Variants in MYH6 observed in about 807,000 individuals in gnomAD.
The protein encoded by MYH6 is myosin heavy chain 6.
Under a neutral mutation model 223.2 loss-of-function variants are expected in MYH6, and 126 were observed. That is an observed-to-expected ratio of 0.56 (90% CI 0.49 to 0.65). The LOEUF (loss-of-function observed/expected upper bound fraction) is 0.65, where lower values mean the gene tolerates loss of function less well. Among genes scored for constraint, MYH6 ranks in the 30% least tolerant of loss-of-function variants. The pLI is 0.00. For synonymous variants in MYH6, 978 were observed against 1,010.2 expected (o/e 0.97, Z 0.61); for missense variants, 2,040 against 2,536.4 (o/e 0.80, Z 4.20).
chr14:23,399,163 C>T, intron 14 of MYH6, 126 bp from the exon 15 acceptor site: 2 of 1,139,210 alleles, frequency 1.8e-6, no homozygotes, highest in African/African-American at 3.1e-5. Context: ...GGGCGCTGTG[C>T]TGGTACCTCT....
chr14:23,402,650 G>A (rs1191344648), intron 11 of MYH6, 47 bp downstream of exon 11: 4 of 1,613,572 alleles, frequency 2.5e-6, no homozygotes, highest in East Asian at 2.2e-5. Context: ...GGTGGCCCCA[G>A]GAGCTCCTGG....
intron 18 of MYH6, 52 bp downstream of exon 18, chr14:23,396,911 G>T: frequency 6.2e-7 from 1 of 1,612,478 alleles, no homozygotes; most frequent in Non-Finnish European, 8.5e-7. Flanking sequence ...ATTCCCATCA[G>T]GGCAGCCTGG....
In MYH6 at chr14:23,393,392, C is replaced by A. The variant is rs1595056123; in HGVS notation, c.3055G>T (p.Val1019Phe). The A allele has an allele frequency of 6.2e-7, 1 of 1,614,172 alleles. No homozygotes were observed. Among genetic ancestry groups the A allele is most frequent in the Non-Finnish European group, 8.5e-7 (1 of 1,180,036 alleles). Reference protein sequence around the residue: ...LDDLQVEEDKVNSLSKSKVKL... With the variant: ...LDDLQVEEDKFNSLSKSKVKL... Reference sequence around the variant, plus strand: ...ACCTTAGACTTGGACAGGCTGTTGACCTTGTCTTCCTCAACCTGAAGGTCA... The same window carrying A: ...ACCTTAGACTTGGACAGGCTGTTGAACTTGTCTTCCTCAACCTGAAGGTCA... Residue 1019 changes from valine to phenylalanine, a missense_variant, in exon 23 of 39, where the codon GTC (valine) becomes TTC (phenylalanine). By Grantham distance (50) the Val-to-Phe change is conservative (BLOSUM62 -1). Transcript: ENST00000405093.
rs765193057 is a variant in MYH6, at chr14:23,388,953, G to A, written c.4081C>T (p.Arg1361Cys). ...TCCGAGTTGGCCTTGGACAGGACGC[G>A]CTGCAGCTCGGCCTTGGCCTCTGTC... ...EETEAKAELQ[R>C]VLSKANSEVA... The change falls in exon 29 of 39, where the codon CGC (arginine) becomes TGC (cysteine). Residue 1361 changes from arginine (R) to cysteine (C), a missense_variant. Physicochemically the swap from Arg to Cys is radical, Grantham distance 180. Around this residue, in one of 4 missense-constraint regions of MYH6, gnomAD observed 1,203 missense variants for 1,400.2 expected, o/e 0.86. Coordinates refer to ENST00000405093, the MANE Select transcript of MYH6 (RefSeq NM_002471.4). The A allele has an allele frequency of 1.1e-5, 17 of 1,613,612 alleles. No homozygotes were observed. Among genetic ancestry groups the A allele is most frequent in the South Asian group, 8.8e-5 (8 of 91,052 alleles).
chr14:23,397,963 T>A (rs888303779), intron 15 of MYH6, among the ~76,000 whole-genome samples: 1 of 124,558 alleles, frequency 8.0e-6, no homozygotes, highest in Non-Finnish European at 1.7e-5. Flanking sequence ...TTCTTCTTCT[T>A]CTTCTTCTTC....
chr14:23,383,992 G>A (rs2138580509), intron 36 of MYH6, among the ~76,000 whole-genome samples: 1 of 152,164 alleles, frequency 6.6e-6, no homozygotes, highest in East Asian at 1.9e-4. Flanking sequence ...CGGGCCAAGG[G>A]CACAGCTCTC....
At chr14:23,393,167 CAG>C in intron 23 of MYH6, 110 bp from the exon 24 acceptor site, 1 of 1,518,118 alleles carries the variant, frequency 6.6e-7, no homozygotes, top group South Asian at 1.1e-5. Context: ...GTCAAACCAA[CAG>C]AGAAATCCTG....
At chr14:23,402,627 G>C (rs113300530) in intron 11 of MYH6, 25 bp from the exon 12 acceptor site, 4 of 1,613,682 alleles carry the variant, frequency 2.5e-6, no homozygotes, top group Non-Finnish European at 3.4e-6. Flanking sequence ...GAGACAAAGA[G>C]GGGGGTTGGA....
Position 23,405,328 on chromosome 14 carries a change from C to A in MYH6, c.397G>T (p.Val133Leu). 1 of 1,614,154 alleles carries A rather than the reference C, an allele frequency of 6.2e-7. No homozygotes were observed. The highest frequency in any genetic ancestry group is 1.3e-5 in the African/African-American group (1 of 75,046). The change falls in exon 5 of 39, where the codon GTG becomes TTG. Residue 133 changes from valine (V) to leucine (L), a missense_variant. Coordinates refer to ENST00000405093, the MANE Select transcript of MYH6 (RefSeq NM_002471.4). This position sits in a 1 kb window ranked among gnomAD's most constrained non-coding sequence, Gnocchi z 4.7. ...VTVNPYKWLP[V>L]YNAEVVAAYR... ...GCGGCCACCACCTCGGCATTGTACA[C>A]CGGCAGCCACTTGTAGGGGTTGACA...
In MYH6 at chr14:23,403,009, G is replaced by A. The variant is rs74378276; in HGVS notation, c.899-209C>T. Among the ~76,000 whole-genome samples, 648 of 152,088 alleles carry A rather than the reference G, an allele frequency of 4.3e-3. 8 individuals are homozygous for A. The highest frequency in any genetic ancestry group is 0.015 in the African/African-American group (608 of 41,498). On this transcript the variant is annotated intron_variant, in intron 10 of 38. Transcript: ENST00000405093. ...AGTGAAAGGGTAGAAGAGGGGCCCT[G>A]GCAGGGGCTCCAGTAACAAGGAGGA...
At position 23,392,986 on chromosome 14, in the gene MYH6, G is replaced by A. The variant is rs529676901; in HGVS notation, c.3177C>T (p.Gly1059=). 308 of 1,614,128 alleles carry A rather than the reference G, an allele frequency of 1.9e-4. No individual in the cohort carries two copies. Among genetic ancestry groups the A allele is most frequent in the Non-Finnish European group, 2.5e-4 (293 of 1,180,034 alleles). Residue 1059 remains glycine (G), a synonymous_variant, in exon 24 of 39, where the codon GGC becomes GGT. Transcript: ENST00000405093. The stretch of plus-strand genomic sequence containing the variant: ...TGCTCTCCTGGGTCAGCTTCAGGTC[G>A]CCCTCCAGTTTCCGCTTTGCTCGCT... ...DLERAKRKLE[G]DLKLTQESIM...
rs758143531 is a variant in MYH6, at chr14:23,386,155, G to A, written c.4960-24C>T. On this transcript the variant is annotated intron_variant, in intron 33 of 38. Coordinates refer to ENST00000405093, the MANE Select transcript of MYH6 (RefSeq NM_002471.4). The stretch of plus-strand genomic sequence containing the variant: ...TCCTGAGCATCAGGAGAGTGGGTGT[G>A]AGCAGAAGCCAGCCTCGGTGCCCTT... The A allele has an allele frequency of 1.9e-6, 3 of 1,614,040 alleles. No individual in the cohort carries two copies. In the African/African-American group the frequency reaches 4.0e-5, roughly 22 times the overall value.
In MYH6 at chr14:23,400,774, C is replaced by T. The variant is rs1891575709; in HGVS notation, c.1345G>A (p.Glu449Lys). Residue 449 changes from glutamate to lysine, a missense_variant, in exon 13 of 39, where the codon GAG becomes AAG. By Grantham distance (56) the Glu-to-Lys change is moderately conservative. Coordinates refer to ENST00000405093, the MANE Select transcript of MYH6 (RefSeq NM_002471.4). ...WMVTRINATLETKQPRQYFIG... is the reference protein window; with the variant it reads ...WMVTRINATLKTKQPRQYFIG... The stretch of plus-strand genomic sequence containing the variant: ...AAGTACTGGCGTGGCTGCTTGGTCT[C>T]CAGGGTGGCGTTGATGCGCGTCACC... 6.2e-7 allele frequency: 1 copy of T among 1,614,102 alleles called. No homozygotes were observed. The highest frequency in any genetic ancestry group is 8.5e-7 in the Non-Finnish European group (1 of 1,180,056).
intron 15 of MYH6, among the ~76,000 whole-genome samples, chr14:23,397,952 CTTCTTCT>C (rs1891464313): frequency 2.3e-4 from 21 of 91,168 alleles, no homozygotes; most frequent in African/African-American, 9.2e-4. Context: ...TCTTCTTCTT[CTTCTTCT>C]TCTTCTTCTT....
chr14:23,397,160 C>T lies in MYH6; in HGVS notation c.2050+10G>A. 2 of 1,614,194 alleles carry T rather than the reference C, an allele frequency of 1.2e-6. No homozygotes were observed. The highest frequency in any genetic ancestry group is 1.1e-5 in the South Asian group (1 of 91,080). ...TGTCCTCCCCAGACTAAGGTCTTCT[C>T]CTGGCTCACCTGGAGCCTTCCGCTC... On this transcript the variant is annotated intron_variant, in intron 17 of 38. Transcript: ENST00000405093.
At chr14:23,406,219 T>G (rs1311399461) in intron 3 of MYH6, among the ~76,000 whole-genome samples, 2 of 152,190 alleles carry the variant, frequency 1.3e-5, no homozygotes, top group East Asian at 3.8e-4. Context: ...ACCCATCTAC[T>G]CCACACTCCC....
Position 23,387,888 on chromosome 14 carries a change from C to T in MYH6, c.4395G>A (p.Ser1465=), listed in dbSNP as rs74039310. Residue 1465 remains serine, a synonymous_variant, in exon 31 of 39, where the codon TCG becomes TCA. Coordinates refer to ENST00000405093, the MANE Select transcript of MYH6 (RefSeq NM_002471.4). ...TCTGTGAGGACTCCAGCTCAGACTG[C>T]GACTCCTCATACTTCTGCTTCCACT... ...LAEWKQKYEE[S]QSELESSQKE... 6.5e-4 allele frequency: 1,053 copies of T among 1,614,022 alleles called. 10 individuals carry two copies. In the African/African-American group the frequency reaches 0.012, roughly 19 times the overall value.
chr14:23,392,501 C>T (rs1891262168), intron 25 of MYH6, 61 bp downstream of exon 25: 2 of 1,236,642 alleles, frequency 1.6e-6, no homozygotes, highest in Non-Finnish European at 1.2e-6. Context: ...GCAGCTGCTG[C>T]AGCCTCAGTT....
chr14:23,399,098 T>C, intron 14 of MYH6, 61 bp from the exon 15 acceptor site: 1 of 1,592,132 alleles, frequency 6.3e-7, no homozygotes, highest in Non-Finnish European at 8.6e-7. Context: ...GCTTCCACAG[T>C]CCCATACCCT....
Sources: gnomAD v4.1 joint callset for allele counts (sites outside exome capture counted in the v4.1 genomes callset) on GRCh38, gnomAD v4.1.1 for gene constraint, gnomAD v4.1.1 regional missense constraint, Gnocchi (gnomAD v3.1) non-coding constraint, MANE v1.5 for transcripts, NCBI Gene and HGNC (gene_info 2026-07-23, HGNC 2026-07-21) for gene names.